Variants in GLIS3 observed in about 807,000 individuals in gnomAD.
GLIS3 encodes the protein GLIS family zinc finger 3.
A neutral mutation model predicts 78.6 loss-of-function variants in GLIS3; 53 were observed. The ratio of observed to expected loss-of-function variants is 0.67; its 90% CI spans 0.54 to 0.85. The LOEUF is 0.85. Among genes scored for constraint, GLIS3 ranks in the 40% least tolerant of loss-of-function variants. GLIS3 has a pLI of 0.00. For missense variants in GLIS3, 1,703 were observed against 1,231.1 expected, an observed-to-expected ratio of 1.38 and a Z score of -5.74; for synonymous variants, 684 against 509.9, an observed-to-expected ratio of 1.34 and a Z score of -4.60.
chr9:4,383,010 A>C, the GLIS3 span, among the ~76,000 whole-genome samples: 1 of 152,122 alleles, frequency 6.6e-6, no homozygotes, highest in Admixed American at 6.5e-5. Context: ...CTATTTTCCT[A>C]AAAGGAAGTT....
chr9:4,395,550 G>C, the GLIS3 span, among the ~76,000 whole-genome samples: 13 of 152,152 alleles, frequency 8.5e-5, no homozygotes, highest in East Asian at 2.5e-3. Context: ...TTTGGTACTG[G>C]TGCCTGGGAA....
At chr9:4,419,991 C>T in the GLIS3 span, among the ~76,000 whole-genome samples, 1 of 152,046 alleles carries the variant, frequency 6.6e-6, no homozygotes, top group Non-Finnish European at 1.5e-5. Flanking sequence ...GGTTGAGCAC[C>T]GTCTACAGGG....
chr9:4,319,060 T>C (rs193244524), intron 2 of GLIS3, among the ~76,000 whole-genome samples: 6 of 152,166 alleles, frequency 3.9e-5, no homozygotes, highest in Non-Finnish European at 7.4e-5. Context: ...TCTTCAAAAA[T>C]GTCAATGTCA....
At chr9:4,265,140 C>G (rs1257608953) in intron 2 of GLIS3, among the ~76,000 whole-genome samples, 1 of 148,138 alleles carries the variant, frequency 6.8e-6, no homozygotes, top group African/African-American at 2.5e-5. Context: ...CCACTGCACT[C>G]CAAACTGGGC....
intron 4 of GLIS3, among the ~76,000 whole-genome samples, chr9:4,070,353 T>C (rs1588598248): frequency 6.6e-6 from 1 of 152,202 alleles, no homozygotes; most frequent in African/African-American, 2.4e-5. Flanking sequence ...TGACAAAGAC[T>C]GCTTACTGGG....
intron 2 of GLIS3, among the ~76,000 whole-genome samples, chr9:4,187,936 C>G (rs1428631408): frequency 2.0e-5 from 3 of 152,074 alleles, no homozygotes; most frequent in Non-Finnish European, 4.4e-5. Context: ...ATCATGTCAT[C>G]TGCAAACAGG....
chr9:3,859,893 T>G (rs1380247105), intron 8 of GLIS3, among the ~76,000 whole-genome samples: 1 of 152,144 alleles, frequency 6.6e-6, no homozygotes, highest in Non-Finnish European at 1.5e-5. Flanking sequence ...ACTCATTTGG[T>G]AGAGGAGTTT....
chr9:4,284,537 T>C (rs1827818501), intron 2 of GLIS3, among the ~76,000 whole-genome samples: 1 of 151,930 alleles, frequency 6.6e-6, no homozygotes, highest in Non-Finnish European at 1.5e-5. Flanking sequence ...TCTCCTATAC[T>C]TATGCTAAAT....
chr9:4,194,600 G>C (rs1028134910), intron 2 of GLIS3, among the ~76,000 whole-genome samples: 4 of 152,138 alleles, frequency 2.6e-5, no homozygotes, highest in Non-Finnish European at 4.4e-5. Flanking sequence ...ATTCAAGAAA[G>C]CAAATGGAAG....
chr9:4,155,170 T>C (rs1834960621), intron 2 of GLIS3, among the ~76,000 whole-genome samples: 1 of 152,170 alleles, frequency 6.6e-6, no homozygotes, highest in Non-Finnish European at 1.5e-5. Context: ...CATACATAAT[T>C]TTTCTACACT....
At chr9:4,440,162 G>T in the GLIS3 span, among the ~76,000 whole-genome samples, 1 of 152,038 alleles carries the variant, frequency 6.6e-6, no homozygotes, top group Admixed American at 6.6e-5. Context: ...TCTGCTAATT[G>T]TTTCTTTGCT....
At chr9:4,395,263 A>T in the GLIS3 span, among the ~76,000 whole-genome samples, 10 of 152,356 alleles carry the variant, frequency 6.6e-5, no homozygotes, top group Admixed American at 2.0e-4. Context: ...ATATAAATGT[A>T]TTCATTGACT....
intron 4 of GLIS3, among the ~76,000 whole-genome samples, chr9:3,989,960 GT>G (rs1308205519): frequency 6.6e-6 from 1 of 152,188 alleles, no homozygotes; most frequent in Non-Finnish European, 1.5e-5. Flanking sequence ...ATACTGCAGA[GT>G]TTTGCAAAAT....
chr9:4,402,743 G>A, the GLIS3 span, among the ~76,000 whole-genome samples: 3 of 152,118 alleles, frequency 2.0e-5, no homozygotes, highest in Non-Finnish European at 4.4e-5. Flanking sequence ...AAGACTTATT[G>A]AGCTTGAAGA....
intron 2 of GLIS3, among the ~76,000 whole-genome samples, chr9:4,221,901 G>A (rs968269491): frequency 3.9e-5 from 6 of 152,214 alleles, no homozygotes; most frequent in African/African-American, 1.4e-4. Context: ...GCAAATCCAG[G>A]AAGACTTCAT....
chr9:4,414,304 T>C, the GLIS3 span, among the ~76,000 whole-genome samples: 2 of 152,218 alleles, frequency 1.3e-5, no homozygotes, highest in South Asian at 2.1e-4. Context: ...TGGCAAAACA[T>C]GTATGGCCCA....
chr9:4,008,376 T>G (rs2129996134), intron 4 of GLIS3, among the ~76,000 whole-genome samples: 1 of 152,262 alleles, frequency 6.6e-6, no homozygotes, highest in East Asian at 1.9e-4. Flanking sequence ...GAGTGGCCAG[T>G]GCCATTTTCC....
rs955449975 is a variant in GLIS3 at position 4,311,131 on chromosome 9, A to G, written n.265-603T>C. On this transcript the variant is annotated intron_variant and non_coding_transcript_variant, in intron 2 of 4. Transcript: ENST00000471664. ...GGATAGAAGTGTATACCTTTTGGCC[A>G]GGCGCGGTGGCTGATGCCTGTAATC... Among the ~76,000 whole-genome samples the G allele has an allele frequency of 2.6e-5, 4 of 152,352 alleles. 1 individual carries two copies. The highest frequency in any genetic ancestry group is 1.9e-4 in the East Asian group (1 of 5,184).
At chr9:4,440,626 A>G in the GLIS3 span, among the ~76,000 whole-genome samples, 1 of 152,190 alleles carries the variant, frequency 6.6e-6, no homozygotes, top group Non-Finnish European at 1.5e-5. Context: ...CTTTTTGGTC[A>G]GAATTGCTTT....
Sources: allele counts gnomAD v4.1 joint callset (sites outside exome capture counted in the v4.1 genomes callset), GRCh38; gene constraint gnomAD v4.1.1; transcripts MANE v1.5; gene names NCBI Gene and HGNC (gene_info 2026-07-23, HGNC 2026-07-21).